The following CACNA2D1 variants were observed in gnomAD, a reference collection of about 807,000 sequenced individuals.
The protein encoded by CACNA2D1 is voltage-dependent calcium channel subunit alpha-2/delta-1.
Under a neutral mutation model 171.5 loss-of-function variants are expected in CACNA2D1, and 53 were observed. The observed-to-expected ratio is 0.31, with a 90% CI of 0.25 to 0.39. The LOEUF (loss-of-function observed/expected upper bound fraction) is 0.39. Ranked by LOEUF, CACNA2D1 falls within the 10% of genes least tolerant of loss-of-function variation. The probability of loss-of-function intolerance (pLI) is 1.00; values close to 1 mark genes in which losing one functional copy is unlikely to be tolerated. For missense variants in CACNA2D1, 903 were observed against 1,299.8 expected (o/e 0.69, Z 4.69); for synonymous variants, 442 against 443.1 (o/e 1.00, Z 0.03).
At chr7:82,134,238 C>T (rs541444166) in intron 5 of CACNA2D1, among the ~76,000 whole-genome samples, 4 of 152,066 alleles carry the variant, frequency 2.6e-5, no homozygotes, top group Non-Finnish European at 5.9e-5. Flanking sequence ...TATTCTTTAT[C>T]CATTTAAGTA....
intron 3 of CACNA2D1, among the ~76,000 whole-genome samples, chr7:82,253,759 G>A (rs1805952091): frequency 6.6e-6 from 1 of 152,096 alleles, no homozygotes; most frequent in South Asian, 2.1e-4. Context: ...TTATTCTCCA[G>A]AAACTTGCAA....
intron 3 of CACNA2D1, among the ~76,000 whole-genome samples, chr7:82,262,346 C>T (rs568111504): frequency 7.9e-5 from 12 of 152,020 alleles, no homozygotes; most frequent in Non-Finnish European, 1.6e-4. Context: ...TCAATCCATC[C>T]ATCCATCCAT....
rs146686916 is a variant in CACNA2D1 at position 82,085,171 on chromosome 7, C to T, written c.527-271G>A. Among the ~76,000 whole-genome samples, 1,280 of 152,190 alleles carry T rather than the reference C, an allele frequency of 8.4e-3. 16 individuals are homozygous for T. The highest frequency in any genetic ancestry group is 0.029 in the African/African-American group (1,218 of 41,534). ...AAAACAAAACTTTGTATGACAGTGTCCCTACTGACATTTTGGCCTCGGTTA... is the reference window on the plus strand; with the variant it reads ...AAAACAAAACTTTGTATGACAGTGTTCCTACTGACATTTTGGCCTCGGTTA... On this transcript the variant is annotated intron_variant, in intron 6 of 38. Coordinates refer to ENST00000356860, the MANE Select transcript of CACNA2D1 (RefSeq NM_000722.4).
At chr7:82,179,248 T>C (rs1240244369) in intron 3 of CACNA2D1, among the ~76,000 whole-genome samples, 1 of 152,046 alleles carries the variant, frequency 6.6e-6, no homozygotes, top group Non-Finnish European at 1.5e-5. Context: ...TTCAGTTACC[T>C]TATTCTCTAC....
At chr7:82,101,211 A>G (rs1426516269) in intron 6 of CACNA2D1, among the ~76,000 whole-genome samples, 1 of 152,200 alleles carries the variant, frequency 6.6e-6, no homozygotes, top group African/African-American at 2.4e-5. Flanking sequence ...GTATATTACC[A>G]ACAGAATTTG....
intron 7 of CACNA2D1, among the ~76,000 whole-genome samples, chr7:82,069,639 T>A (rs1272133758): frequency 6.6e-6 from 1 of 152,126 alleles, no homozygotes; most frequent in Admixed American, 6.6e-5. Flanking sequence ...AATAGGAAAA[T>A]ATTCTTGAGA....
intron 3 of CACNA2D1, among the ~76,000 whole-genome samples, chr7:82,209,483 AG>A (rs1251468034): frequency 2.0e-5 from 3 of 152,184 alleles, no homozygotes; most frequent in Non-Finnish European, 4.4e-5. Flanking sequence ...GGTGAACCGA[AG>A]CCCCCAGCTT....
At chr7:82,302,967 C>T (rs775223828) in intron 3 of CACNA2D1, among the ~76,000 whole-genome samples, 14 of 152,048 alleles carry the variant, frequency 9.2e-5, no homozygotes, top group Non-Finnish European at 1.3e-4. Flanking sequence ...AGAAATGACA[C>T]AACATTTGGT....
intron 4 of CACNA2D1, among the ~76,000 whole-genome samples, chr7:82,137,839 G>A (rs868444099): frequency 1.3e-5 from 2 of 151,246 alleles, no homozygotes; most frequent in Non-Finnish European, 3.0e-5. Context: ...GAGATCGCGC[G>A]ACAGAGCGAG....
At chr7:82,272,438 A>C (rs1174417655) in intron 3 of CACNA2D1, among the ~76,000 whole-genome samples, 1 of 152,216 alleles carries the variant, frequency 6.6e-6, no homozygotes, top group East Asian at 1.9e-4. Context: ...TGGATACAGC[A>C]ACTCACTTCT....
At chr7:82,255,951 C>A (rs1402921703) in intron 3 of CACNA2D1, among the ~76,000 whole-genome samples, 1 of 152,136 alleles carries the variant, frequency 6.6e-6, no homozygotes, top group Non-Finnish European at 1.5e-5. Flanking sequence ...TGTGCAAGTA[C>A]ACACACTGAG....
chr7:82,075,554 T>C (rs1317011970), intron 7 of CACNA2D1, among the ~76,000 whole-genome samples: 2 of 152,174 alleles, frequency 1.3e-5, no homozygotes, highest in Non-Finnish European at 2.9e-5. Context: ...CAGAGAAACA[T>C]GTTTCTTATT....
chr7:82,049,022 T>C (rs1804873833), intron 10 of CACNA2D1, among the ~76,000 whole-genome samples: 1 of 151,572 alleles, frequency 6.6e-6, no homozygotes, highest in African/African-American at 2.4e-5. Flanking sequence ...AAACTTAGTG[T>C]ACCATGTAAT....
intron 3 of CACNA2D1, among the ~76,000 whole-genome samples, chr7:82,228,700 T>C (rs1232361685): frequency 6.6e-6 from 1 of 152,114 alleles, no homozygotes; most frequent in Admixed American, 6.6e-5. Context: ...AATAAAATAG[T>C]GTATATAAGA....
chr7:82,292,979 AT>A (rs1217039080), intron 3 of CACNA2D1, among the ~76,000 whole-genome samples: 1 of 151,900 alleles, frequency 6.6e-6, no homozygotes, highest in African/African-American at 2.4e-5. Flanking sequence ...CTTCCCCTTG[AT>A]TTTTTTTCTT....
In CACNA2D1 at chr7:82,045,159, C is replaced by T. The variant is rs1334338460; in HGVS notation, c.880-6924G>A. On this transcript the variant is annotated intron_variant, in intron 10 of 38. Transcript: ENST00000356860. ...TTCTAGGTTATCTGTTACCAAATTA[C>T]TTTCCAAAAATTTTGTGCCAATTTA... Among the ~76,000 whole-genome samples, 3 of 152,076 alleles carry T rather than the reference C, an allele frequency of 2.0e-5. No individual in the cohort carries two copies. The East Asian group carries it at 5.8e-4, about 29-fold the overall frequency.
intron 3 of CACNA2D1, among the ~76,000 whole-genome samples, chr7:82,196,066 C>T (rs889706630): frequency 8.6e-5 from 8 of 93,340 alleles, no homozygotes; most frequent in Non-Finnish European, 1.6e-4. Context: ...TAATTTACAA[C>T]CACCTCTTTT....
chr7:82,147,212 T>C (rs1003124677), intron 4 of CACNA2D1, among the ~76,000 whole-genome samples: 6 of 151,984 alleles, frequency 3.9e-5, no homozygotes, highest in African/African-American at 1.4e-4. Context: ...CATTGGCTCT[T>C]GAACTTCAAA....
At chr7:81,989,611 C>A (rs1281875560) in intron 21 of CACNA2D1, among the ~76,000 whole-genome samples, 2 of 152,158 alleles carry the variant, frequency 1.3e-5, no homozygotes, top group African/African-American at 2.4e-5. Context: ...CCAGCTACCG[C>A]TAAGGCCCAC....
Sources: allele counts gnomAD v4.1 joint callset (sites outside exome capture counted in the v4.1 genomes callset), GRCh38; gene constraint gnomAD v4.1.1; transcripts MANE v1.5; gene names NCBI Gene and HGNC (gene_info 2026-07-23, HGNC 2026-07-21).